SHISA6: variants seen among roughly 807,000 people sequenced by gnomAD.
The protein encoded by SHISA6 is protein shisa-6.
Under a neutral mutation model 47.9 loss-of-function variants are expected in SHISA6, and 22 were observed. That is an observed-to-expected ratio of 0.46 (90% confidence interval 0.33 to 0.66). The LOEUF (loss-of-function observed/expected upper bound fraction) is 0.66, where lower values mean the gene tolerates loss of function less well. Ranked by LOEUF, SHISA6 falls within the 30% of genes least tolerant of loss-of-function variation. The pLI, the probability that SHISA6 is intolerant of heterozygous loss-of-function variation, is 0.02. For synonymous variants in SHISA6, 388 were observed against 337.8 expected, an observed-to-expected ratio of 1.15 and a Z score of -1.63; for missense variants, 680 against 764.6, an observed-to-expected ratio of 0.89 and a Z score of 1.30.
intron 2 of SHISA6, among the ~76,000 whole-genome samples, chr17:11,346,487 G>T (rs1161142994): frequency 6.6e-6 from 1 of 152,146 alleles, no homozygotes; most frequent in Admixed American, 6.5e-5. Context: ...AGAGGTAGGT[G>T]ATTGCCTGAA....
chr17:11,446,701 A>G (rs1465431148), intron 3 of SHISA6, among the ~76,000 whole-genome samples: 7 of 152,142 alleles, frequency 4.6e-5, no homozygotes, highest in Admixed American at 2.6e-4. Context: ...TTCTACCCAG[A>G]TATCTCTGAC....
intron 3 of SHISA6, among the ~76,000 whole-genome samples, chr17:11,544,983 T>C (rs1459676146): frequency 3.8e-5 from 5 of 132,668 alleles, no homozygotes; most frequent in Middle Eastern, 7.9e-3. Context: ...AAAAAAAAAA[T>C]TAAATATGCA....
At position 11,508,912 on chromosome 17, in the gene SHISA6, A is replaced by C. The variant is rs1245920164; in HGVS notation, c.896-42984A>C. ...GTTGTGATGGGGGCCACAAAGCAATAGGATACAAAAGAGGAACATGGCACA... is the reference window on the plus strand; with the variant it reads ...GTTGTGATGGGGGCCACAAAGCAATCGGATACAAAAGAGGAACATGGCACA... On this transcript the variant is annotated intron_variant, in intron 3 of 5. Transcript: ENST00000441885. Among the ~76,000 whole-genome samples, 5 of 91,764 alleles carry C rather than the reference A, an allele frequency of 5.4e-5. 2 individuals are homozygous for C. The highest frequency in any genetic ancestry group is 2.1e-4 in the African/African-American group (5 of 23,798). 60.2% of individuals were successfully genotyped at this position (91,764 alleles called of 152,430 possible).
intron 3 of SHISA6, among the ~76,000 whole-genome samples, chr17:11,389,483 C>T (rs1913316197): frequency 6.6e-6 from 1 of 152,126 alleles, no homozygotes; most frequent in Admixed American, 6.5e-5. Context: ...TGAATGTGTC[C>T]CATATTCCTC....
At chr17:11,326,198 G>A (rs1910884460) in intron 2 of SHISA6, among the ~76,000 whole-genome samples, 1 of 151,664 alleles carries the variant, frequency 6.6e-6, no homozygotes, top group Admixed American at 6.6e-5. Context: ...TTGAACCCAG[G>A]AGGTGGAGCT....
At chr17:11,333,892 A>G (rs757263705) in intron 2 of SHISA6, among the ~76,000 whole-genome samples, 2 of 152,212 alleles carry the variant, frequency 1.3e-5, no homozygotes, top group Non-Finnish European at 2.9e-5. Context: ...TCTGGAGAGC[A>G]TGTGGAGGCG....
At chr17:11,347,617 A>G (rs757716644) in intron 2 of SHISA6, among the ~76,000 whole-genome samples, 4 of 152,218 alleles carry the variant, frequency 2.6e-5, no homozygotes, top group African/African-American at 4.8e-5. Context: ...TCAAATAGAA[A>G]GTCAATTGCA....
chr17:11,256,375 A>C (rs1908007504), intron 1 of SHISA6, among the ~76,000 whole-genome samples: 1 of 152,142 alleles, frequency 6.6e-6, no homozygotes, highest in African/African-American at 2.4e-5. Flanking sequence ...AGGGGCCTTT[A>C]ATCCCAGCTA....
intron 3 of SHISA6, among the ~76,000 whole-genome samples, chr17:11,404,637 A>T (rs11871673): frequency 0.53 from 79,877 of 152,022 alleles, 22,020 homozygotes; most frequent in African/African-American, 0.66. Context: ...ACTCCTGAAC[A>T]GGTGAAACTT....
intron 2 of SHISA6, among the ~76,000 whole-genome samples, chr17:11,360,056 G>C (rs1429248358): frequency 6.6e-6 from 1 of 152,146 alleles, no homozygotes; most frequent in Non-Finnish European, 1.5e-5. Flanking sequence ...GCAAAGACTT[G>C]GAACCAACCC....
chr17:11,293,765 T>C (rs764601085), intron 2 of SHISA6, among the ~76,000 whole-genome samples: 21 of 152,146 alleles, frequency 1.4e-4, no homozygotes, highest in Middle Eastern at 3.2e-3. Context: ...ACCAACCTCA[T>C]AGATCTGTCT....
intron 2 of SHISA6, among the ~76,000 whole-genome samples, chr17:11,317,528 G>A (rs1179345301): frequency 6.7e-6 from 1 of 149,616 alleles, no homozygotes; most frequent in Non-Finnish European, 1.5e-5. Flanking sequence ...ATATTTGGTG[G>A]TTGTTTGTTT....
At chr17:11,534,997 A>T (rs559919819) in intron 3 of SHISA6, among the ~76,000 whole-genome samples, 1 of 152,030 alleles carries the variant, frequency 6.6e-6, no homozygotes, top group Non-Finnish European at 1.5e-5. Context: ...GCGTGGTGGC[A>T]GGCACCTGTA....
Position 11,379,433 on chromosome 17 carries a change from T to G in SHISA6, c.819T>G (p.Ala273=). 1 of 1,540,358 alleles carries G rather than the reference T, an allele frequency of 6.5e-7. No individual in the cohort carries two copies. Among genetic ancestry groups the G allele is most frequent in the African/African-American group, 1.4e-5 (1 of 72,308 alleles). Residue 273 remains alanine (A), a synonymous_variant, in exon 3 of 6, where the codon GCT becomes GCG. Transcript: ENST00000441885. The stretch of plus-strand genomic sequence containing the variant: ...TTGCAGGGCATTATGGGAAGGATGC[T>G]TACCGAAGTGGAGGACCTGATCTCC... ...KQTPGHYGKD[A]YRSGGPDLHN... is the part of the protein sequence containing the mutation.
In SHISA6 at chr17:11,557,839, C is replaced by T; in HGVS notation, c.1191C>T (p.Ile397=). ...AARGTLPLNV[I]QMSQQKPLPR... The stretch of plus-strand genomic sequence containing the variant: ...GCGGCACCCTCCCCCTCAATGTCAT[C>T]CAGATGTCCCAACAGAAGCCGTTGC... The change falls in exon 6 of 6, where the codon ATC becomes ATT. Residue 397 remains isoleucine, a synonymous_variant. Coordinates refer to ENST00000441885, the MANE Select transcript of SHISA6 (RefSeq NM_207386.4). 2 of 1,551,396 alleles carry T rather than the reference C, an allele frequency of 1.3e-6. No individual in the cohort carries two copies. The highest frequency in any genetic ancestry group is 1.7e-6 in the Non-Finnish European group (2 of 1,146,996).
At chr17:11,355,354 G>A (rs983106751) in intron 2 of SHISA6, among the ~76,000 whole-genome samples, 2 of 152,192 alleles carry the variant, frequency 1.3e-5, no homozygotes, top group Non-Finnish European at 2.9e-5. Context: ...TTGTACATAG[G>A]TCTCCATTGT....
intron 3 of SHISA6, among the ~76,000 whole-genome samples, chr17:11,481,073 G>A (rs1445745261): frequency 6.6e-6 from 1 of 152,050 alleles, no homozygotes; most frequent in Non-Finnish European, 1.5e-5. Context: ...GAGGCCAGGA[G>A]TTCGAGACCA....
chr17:11,543,923 A>C (rs1467893794), intron 3 of SHISA6, among the ~76,000 whole-genome samples: 1 of 150,194 alleles, frequency 6.7e-6, no homozygotes, highest in Admixed American at 6.6e-5. Flanking sequence ...AAAAAAAAAA[A>C]AAACAAAAAA....
intron 3 of SHISA6, among the ~76,000 whole-genome samples, chr17:11,394,132 A>G (rs1913486552): frequency 6.6e-6 from 1 of 152,126 alleles, no homozygotes; most frequent in Admixed American, 6.6e-5. Flanking sequence ...TGGAGTGTTG[A>G]CCACTGTGTT....
Sources: gnomAD v4.1 joint callset for allele counts (sites outside exome capture counted in the v4.1 genomes callset) on GRCh38, gnomAD v4.1.1 for gene constraint, MANE v1.5 for transcripts, NCBI Gene and HGNC (gene_info 2026-07-23, HGNC 2026-07-21) for gene names.